PCDHGC5: variants seen among roughly 807,000 people sequenced by gnomAD.
The protein encoded by PCDHGC5 is protocadherin gamma subfamily C, 5.
A neutral mutation model predicts 59.0 loss-of-function variants in PCDHGC5; 25 were observed. The ratio of observed to expected loss-of-function variants is 0.42; its 90% confidence interval spans 0.31 to 0.59. PCDHGC5 has a LOEUF of 0.59. PCDHGC5 is among the 20% of genes least tolerant of loss of function. PCDHGC5 has a pLI of 0.13. For missense variants in PCDHGC5, 1,067 were observed against 1,206.4 expected, an observed-to-expected ratio of 0.88 and a Z score of 1.71; for synonymous variants, 434 against 505.5, an observed-to-expected ratio of 0.86 and a Z score of 1.90.
chr5:141,505,494 A>G lies in PCDHGC5; in HGVS notation c.2608+13A>G. ...GCGTCCGCCAGTGGTAAGTGGTGTC[A>G]GTGTGTGTATGGAAGAGTGGGAGAC... is the stretch of plus-strand genomic sequence containing the variant. On this transcript the variant is annotated intron_variant, in intron 3 of 3. Transcript: ENST00000252087. The G allele has an allele frequency of 6.8e-6, 11 of 1,614,198 alleles. No homozygotes were observed. Among genetic ancestry groups the G allele is most frequent in the Non-Finnish European group, 9.3e-6 (11 of 1,180,006 alleles).
intron 2 of PCDHGC5, among the ~76,000 whole-genome samples, chr5:141,500,216 ATTT>A (rs979396489): frequency 3.1e-4 from 46 of 149,244 alleles, no homozygotes; most frequent in Non-Finnish European, 6.7e-4. Context: ...TTATTTATTT[ATTT>A]ATTTATTGAT....
In PCDHGC5 at chr5:141,491,801, G is replaced by C; in HGVS notation, c.2460+101G>C. 1 of 1,500,844 alleles carries C rather than the reference G, an allele frequency of 6.7e-7. No individual in the cohort carries two copies. Among genetic ancestry groups the C allele is most frequent in the Non-Finnish European group, 8.9e-7 (1 of 1,125,292 alleles). The allele number at this position is 1,500,844 out of a possible 1,614,324, so 93.0% of individuals were successfully genotyped here. The stretch of plus-strand genomic sequence containing the variant: ...AACTTGCATCCACTCCTCTCCGGCC[G>C]GCTTGGTCGCTGGCTGCGCTCCACC... On this transcript the variant is annotated intron_variant, in intron 1 of 3. Coordinates refer to ENST00000252087, the MANE Select transcript of PCDHGC5 (RefSeq NM_018929.3). The surrounding 1 kb of genome is among the most constrained non-coding windows in gnomAD (Gnocchi z 6.9).
At position 141,500,184 on chromosome 5, in the gene PCDHGC5, TTTTATTTATTTATTTA is replaced by T. The variant is rs58019021; in HGVS notation, c.2520-5182_2520-5167del. Among the ~76,000 whole-genome samples the T allele has an allele frequency of 2.1e-3, 289 of 135,964 alleles. 1 individual carries two copies. Among genetic ancestry groups the T allele is most frequent in the Middle Eastern group, 0.016 (4 of 248 alleles). The allele number at this position is 135,964 out of a possible 152,430, so 89.2% of individuals were successfully genotyped here. A position where few individuals can be genotyped will look rare whatever the true frequency, so the allele number is the denominator to read the frequency against. On this transcript the variant is annotated intron_variant, in intron 2 of 3. Coordinates refer to ENST00000252087, the MANE Select transcript of PCDHGC5 (RefSeq NM_018929.3). ...GAACATGCATGAGCTTCATTTTTAT[TTTTATTTATTTATTTA>T]TTTATTTATTTATTTATTTATTTAT...
chr5:141,506,832 C>T (rs1398190563), intron 3 of PCDHGC5, among the ~76,000 whole-genome samples: 1 of 152,130 alleles, frequency 6.6e-6, no homozygotes, highest in African/African-American at 2.4e-5. Flanking sequence ...GAACTGATAG[C>T]CCTGCCCTCC....
At chr5:141,500,221 TTTA>T (rs1428029040) in intron 2 of PCDHGC5, among the ~76,000 whole-genome samples, 2 of 151,002 alleles carry the variant, frequency 1.3e-5, no homozygotes, top group Non-Finnish European at 2.9e-5. Flanking sequence ...TATTTATTTA[TTTA>T]TTGATACGTA....
chr5:141,490,080 T>A lies in PCDHGC5; in HGVS notation c.840T>A (p.Ser280=), dbSNP rs2099695881. Residue 280 remains serine (S), a synonymous_variant, in exon 1 of 4, where the codon TCT becomes TCA. Coordinates refer to ENST00000252087, the MANE Select transcript of PCDHGC5 (RefSeq NM_018929.3). The surrounding 1 kb of genome is among the most constrained non-coding windows in gnomAD (Gnocchi z 5.4). ...GCACCAACGGCCAACTAGACTATTCTTTTGGAGACCACACATCTGAGGCAG... is the reference window on the plus strand; with the variant it reads ...GCACCAACGGCCAACTAGACTATTCATTTGGAGACCACACATCTGAGGCAG... ...DEGTNGQLDY[S]FGDHTSEAVR... is the part of the protein sequence containing the mutation. The A allele has an allele frequency of 6.2e-7, 1 of 1,614,246 alleles. No homozygotes were observed. The highest frequency in any genetic ancestry group is 2.2e-5 in the East Asian group (1 of 44,884).
In PCDHGC5 at chr5:141,491,759, G is replaced by C. The variant is rs746395685; in HGVS notation, c.2460+59G>C. 3 of 1,575,392 alleles carry C rather than the reference G, an allele frequency of 1.9e-6. No individual in the cohort carries two copies. Among genetic ancestry groups the C allele is most frequent in the Non-Finnish European group, 2.6e-6 (3 of 1,161,808 alleles). ...GGGGGCGGCACTGGAGAAGCCGCCC[G>C]TCCTCATAAGGGATTGAACTTGCAT... On this transcript the variant is annotated intron_variant, in intron 1 of 3. Coordinates refer to ENST00000252087, the MANE Select transcript of PCDHGC5 (RefSeq NM_018929.3). The surrounding 1 kb of genome is among the most constrained non-coding windows in gnomAD (Gnocchi z 6.9).
At chr5:141,506,805 G>A (rs1314432893) in intron 3 of PCDHGC5, among the ~76,000 whole-genome samples, 1 of 152,172 alleles carries the variant, frequency 6.6e-6, no homozygotes, top group African/African-American at 2.4e-5. Flanking sequence ...GAGGATCAAG[G>A]CATTGCCCTA....
At chr5:141,497,848 T>C (rs2099779951) in intron 2 of PCDHGC5, among the ~76,000 whole-genome samples, 1 of 152,178 alleles carries the variant, frequency 6.6e-6, no homozygotes, top group South Asian at 2.1e-4. Flanking sequence ...AACAAACATT[T>C]TTGATTCAGC....
chr5:141,497,614 A>G (rs1377740795), intron 2 of PCDHGC5, among the ~76,000 whole-genome samples: 1 of 146,530 alleles, frequency 6.8e-6, no homozygotes, highest in Admixed American at 7.0e-5. Context: ...ATCTTGGCTC[A>G]CTGCAACCTC....
intron 2 of PCDHGC5, among the ~76,000 whole-genome samples, chr5:141,497,622 C>G (rs1434147255): frequency 6.6e-6 from 1 of 151,538 alleles, no homozygotes; most frequent in African/African-American, 2.4e-5. Context: ...TCACTGCAAC[C>G]TCTGCCTGCC....
In PCDHGC5 at chr5:141,502,866, C is replaced by CTTTTTTTTTT. The variant is rs549047197; in HGVS notation, c.2520-2522_2520-2513dup. On this transcript the variant is annotated intron_variant, in intron 2 of 3. Transcript: ENST00000252087. ...GAGCTGCCTAACCCTGACTCTCTGT[C>CTTTTTTTTTT]TTTTTTTTTTTTTTGACAGGGAGTC... 1.9e-3 allele frequency among the ~76,000 whole-genome samples: 240 copies of CTTTTTTTTTT among 127,966 alleles called. 11 individuals are homozygous for CTTTTTTTTTT. The highest frequency in any genetic ancestry group is 3.5e-3 in the Admixed American group (41 of 11,656). The allele number at this position is 127,966 out of a possible 152,430, so 84.0% of individuals were successfully genotyped here.
chr5:141,489,250 A>C lies in PCDHGC5; in HGVS notation c.10A>C (p.Lys4Gln). 1 of 1,546,554 alleles carries C rather than the reference A, an allele frequency of 6.5e-7. No individual in the cohort carries two copies. The highest frequency in any genetic ancestry group is 8.7e-7 in the Non-Finnish European group (1 of 1,146,722). Residue 4 changes from lysine (K) to glutamine (Q), a missense_variant, in exon 1 of 4, where the codon AAG becomes CAG. Transcript: ENST00000252087. This position sits in a 1 kb window ranked among gnomAD's most constrained non-coding sequence, Gnocchi z 4.5. The stretch of plus-strand genomic sequence containing the variant: ...AAGGGACTTCTGGGTCATGGGGCCC[A>C]AGACACTCCCACAGCTCGCTGGGAA... MGP[K>Q]TLPQLAGKWQ...
intron 2 of PCDHGC5, among the ~76,000 whole-genome samples, chr5:141,500,333 A>G (rs1237684682): frequency 6.6e-6 from 1 of 151,336 alleles, no homozygotes; most frequent in Non-Finnish European, 1.5e-5. Context: ...CTCAGCCTCC[A>G]GAATAGCTGG....
At chr5:141,492,834 G>T (rs544218873) in intron 1 of PCDHGC5, among the ~76,000 whole-genome samples, 36 of 152,332 alleles carry the variant, frequency 2.4e-4, no homozygotes, top group Non-Finnish European at 4.1e-4. Flanking sequence ...CCTTCCTCCC[G>T]CAGGAAGTGA....
chr5:141,495,077 C>T (rs1237589417), intron 2 of PCDHGC5, among the ~76,000 whole-genome samples: 4 of 152,180 alleles, frequency 2.6e-5, no homozygotes, highest in African/African-American at 9.7e-5. Flanking sequence ...AATTCACATG[C>T]TTGCCCCTTC....
rs1229623400 is a variant in PCDHGC5, at chr5:141,505,984, T to A, written c.2608+503T>A. 4.6e-5 allele frequency among the ~76,000 whole-genome samples: 7 copies of A among 152,198 alleles called. No homozygotes were observed. In the East Asian group the frequency reaches 1.4e-3, roughly 30 times the overall value. On this transcript the variant is annotated intron_variant, in intron 3 of 3. Coordinates refer to ENST00000252087, the MANE Select transcript of PCDHGC5 (RefSeq NM_018929.3). ...AGAAATCCCCAGCCGAGAGAACACC[T>A]CCTCTTTATGCGAGGCTCCTCTTTT...
At chr5:141,504,511 CTCTGATAT>C (rs2099838890) in intron 2 of PCDHGC5, among the ~76,000 whole-genome samples, 1 of 151,902 alleles carries the variant, frequency 6.6e-6, no homozygotes, top group Non-Finnish European at 1.5e-5. Flanking sequence ...AGTGGATCTC[CTCTGATAT>C]ATTTTATTCG....
chr5:141,499,533 G>T (rs2099792525), intron 2 of PCDHGC5, among the ~76,000 whole-genome samples: 1 of 152,086 alleles, frequency 6.6e-6, no homozygotes, highest in African/African-American at 2.4e-5. Flanking sequence ...AGAGAGAATG[G>T]TGTCATGAAC....
Sources: allele counts gnomAD v4.1 joint callset (sites outside exome capture counted in the v4.1 genomes callset), GRCh38; gene constraint gnomAD v4.1.1; non-coding constraint Gnocchi (gnomAD v3.1); transcripts MANE v1.5; gene names NCBI Gene and HGNC (gene_info 2026-07-23, HGNC 2026-07-21).